KIF1B: variants seen among roughly 807,000 people sequenced by gnomAD.
KIF1B encodes the protein kinesin family member 1B.
Under a neutral mutation model 241.9 loss-of-function variants are expected in KIF1B, and 76 were observed. That is an observed-to-expected ratio of 0.31 (90% CI 0.26 to 0.38). KIF1B has a LOEUF of 0.38. KIF1B is among the 10% of genes least tolerant of loss of function. The pLI is 1.00. For synonymous variants in KIF1B, 750 were observed against 796.7 expected, an observed-to-expected ratio of 0.94 and a Z score of 0.99; for missense variants, 1,622 against 2,271.4, an observed-to-expected ratio of 0.71 and a Z score of 5.81.
At position 10,301,667 on chromosome 1, in the gene KIF1B, A is replaced by G. The variant is rs1650549430; in HGVS notation, c.2115+4421A>G. The stretch of plus-strand genomic sequence containing the variant: ...AGAGCAAGATTCTGTCTCAAAAAAA[A>G]AAGAAACAAAGAAAGAAAGTAAAGC... On this transcript the variant is annotated intron_variant, in intron 22 of 48. Coordinates refer to ENST00000676179, the MANE Select transcript of KIF1B (RefSeq NM_001365951.3). Among the ~76,000 whole-genome samples the G allele has an allele frequency of 2.0e-5, 3 of 152,324 alleles. No homozygotes were observed. The South Asian group carries it at 6.2e-4, about 32-fold the overall frequency.
At chr1:10,276,461 T>C in intron 12 of KIF1B, 62 bp downstream of exon 12, 1 of 1,121,028 alleles carries the variant, frequency 8.9e-7, no homozygotes, top group East Asian at 2.4e-5. Context: ...CATTTTGTGA[T>C]ACCATGGATG....
Position 10,365,043 on chromosome 1 carries a change from C to A in KIF1B, c.4367-57C>A. 13 of 1,477,702 alleles carry A rather than the reference C, an allele frequency of 8.8e-6. No individual in the cohort carries two copies. The South Asian group carries it at 1.5e-4, about 17-fold the overall frequency. 91.5% of individuals were successfully genotyped at this position (1,477,702 alleles called of 1,614,324 possible). On this transcript the variant is annotated intron_variant, in intron 41 of 48. Coordinates refer to ENST00000676179, the MANE Select transcript of KIF1B (RefSeq NM_001365951.3). This position sits in a 1 kb window ranked among gnomAD's most constrained non-coding sequence, Gnocchi z 4.0. ...AAAAGAATTATTAATTCGTTTTGAC[C>A]TAAACTTGGAATTGAATTTTTTTTC...
intron 44 of KIF1B, among the ~76,000 whole-genome samples, chr1:10,369,359 T>C (rs1638661592): frequency 6.6e-6 from 1 of 152,248 alleles, no homozygotes; most frequent in South Asian, 2.1e-4. Flanking sequence ...CTGGGTGTGG[T>C]GGTGCATACC....
At chr1:10,314,018 C>T (rs1569803848) in intron 22 of KIF1B, among the ~76,000 whole-genome samples, 2 of 151,296 alleles carry the variant, frequency 1.3e-5, no homozygotes, top group Middle Eastern at 3.4e-3. Flanking sequence ...CTCAGCCTTC[C>T]GAGTAGCTGG....
At chr1:10,332,554 C>T (rs1651991405) in intron 27 of KIF1B, among the ~76,000 whole-genome samples, 2 of 125,180 alleles carry the variant, frequency 1.6e-5, no homozygotes, top group Admixed American at 9.6e-5. Context: ...CTCACTCTGT[C>T]GCCCAGGCTG....
chr1:10,273,914 G>C (rs1648958175), intron 10 of KIF1B, among the ~76,000 whole-genome samples: 1 of 149,246 alleles, frequency 6.7e-6, no homozygotes, highest in African/African-American at 2.5e-5. Context: ...GTGAGACCCT[G>C]GCTTTCTCCT....
intron 22 of KIF1B, chr1:10,304,468 CAACACCGTCAGTCTTACTGTAATTAT>C (rs1444407522): frequency 1.2e-6 from 2 of 1,610,210 alleles, no homozygotes; most frequent in African/African-American, 2.7e-5. Context: ...CCATATTCAT[CAACACCGTCAGTCTTACTGTAATTAT>C]AACACTGGAG....
chr1:10,276,938 G>A lies in KIF1B; in HGVS notation c.1037+539G>A, dbSNP rs780004473. ...TCTACTAAAAATACAAAAATGAGTC[G>A]GGCGTGGTGCCATGCACCTGTAATC... On this transcript the variant is annotated intron_variant, in intron 12 of 48. Transcript: ENST00000676179. 4.7e-4 allele frequency among the ~76,000 whole-genome samples: 71 copies of A among 152,164 alleles called. 1 individual carries two copies. The highest frequency in any genetic ancestry group is 5.3e-4 in the Non-Finnish European group (36 of 67,994).
At chr1:10,338,960 G>A (rs190554847) in intron 31 of KIF1B, among the ~76,000 whole-genome samples, 40 of 152,288 alleles carry the variant, frequency 2.6e-4, no homozygotes, top group Admixed American at 2.4e-3. Context: ...GTTGAAAATA[G>A]TTTCTTTTTC....
In KIF1B at chr1:10,361,830, GT is replaced by G; in HGVS notation, c.4304+10del. 6.2e-7 allele frequency: 1 copy of G among 1,613,572 alleles called. No individual in the cohort carries two copies. The highest frequency in any genetic ancestry group is 8.5e-7 in the Non-Finnish European group (1 of 1,180,008). ...CTACTCAAAGTCACCAGATTCGTAA[GT>G]TTTTCACACAAGTTAGCTTCCAGTG... On this transcript the variant is annotated splice_donor_region_variant and intron_variant, in intron 40 of 48. Coordinates refer to ENST00000676179, the MANE Select transcript of KIF1B (RefSeq NM_001365951.3).
intron 27 of KIF1B, among the ~76,000 whole-genome samples, chr1:10,333,434 G>A (rs752333793): frequency 7.2e-5 from 11 of 152,164 alleles, no homozygotes; most frequent in Non-Finnish European, 1.2e-4. Flanking sequence ...GCTCACGCCT[G>A]TAATCCCAGC....
At chr1:10,324,378 C>G (rs1651643294) in intron 25 of KIF1B, among the ~76,000 whole-genome samples, 1 of 152,092 alleles carries the variant, frequency 6.6e-6, no homozygotes, top group African/African-American at 2.4e-5. Flanking sequence ...TATCCTGGAC[C>G]TCAGGATAAT....
chr1:10,352,325 C>T (rs112312825), intron 37 of KIF1B, among the ~76,000 whole-genome samples: 1,753 of 151,986 alleles, frequency 0.012, 34 homozygotes, highest in African/African-American at 0.039. Context: ...GCAGGGAGAC[C>T]AGTTAAATGG....
intron 35 of KIF1B, among the ~76,000 whole-genome samples, chr1:10,346,472 C>T (rs2102327411): frequency 6.6e-6 from 1 of 152,186 alleles, no homozygotes; most frequent in East Asian, 1.9e-4. Context: ...TCAAGCGATT[C>T]TCCTGCCTCA....
chr1:10,347,020 TG>T (rs1373875526), intron 35 of KIF1B, among the ~76,000 whole-genome samples: 4 of 152,230 alleles, frequency 2.6e-5, no homozygotes, highest in African/African-American at 9.6e-5. Context: ...TAGATCAAAG[TG>T]ATACCATCAG....
In KIF1B at chr1:10,326,858, A is replaced by C. The variant is rs555513174; in HGVS notation, c.2924+499A>C. Among the ~76,000 whole-genome samples, 2 of 152,274 alleles carry C rather than the reference A, an allele frequency of 1.3e-5. No individual in the cohort carries two copies. The highest frequency in any genetic ancestry group is 4.1e-4 in the South Asian group (2 of 4,826). ...CAAAAGTAGATTCAGGAGTAGAGTT[A>C]AATTTATTTTTTGCTTAGTCTACTG... On this transcript the variant is annotated intron_variant, in intron 27 of 48. Coordinates refer to ENST00000676179, the MANE Select transcript of KIF1B (RefSeq NM_001365951.3). This position sits in a 1 kb window ranked among gnomAD's most constrained non-coding sequence, Gnocchi z 5.2.
Position 10,365,016 on chromosome 1 carries a change from A to G in KIF1B, c.4367-84A>G. The G allele has an allele frequency of 7.8e-7, 1 of 1,287,702 alleles. No individual in the cohort carries two copies. The highest frequency in any genetic ancestry group is 1.1e-6 in the Non-Finnish European group (1 of 923,640). 79.8% of individuals were successfully genotyped at this position (1,287,702 alleles called of 1,614,324 possible). A position where few individuals can be genotyped will look rare whatever the true frequency, so the allele number is the denominator to read the frequency against. ...GCGAGACTCCATCTCAAAAAAAAAA[A>G]AAAAAGAATTATTAATTCGTTTTGA... On this transcript the variant is annotated intron_variant, in intron 41 of 48. Coordinates refer to ENST00000676179, the MANE Select transcript of KIF1B (RefSeq NM_001365951.3). This position sits in a 1 kb window ranked among gnomAD's most constrained non-coding sequence, Gnocchi z 4.0.
chr1:10,245,655 T>G (rs1464394492), intron 2 of KIF1B, among the ~76,000 whole-genome samples: 1 of 152,182 alleles, frequency 6.6e-6, no homozygotes, highest in African/African-American at 2.4e-5. Flanking sequence ...AAGGAAAATT[T>G]AGGAAAACAG....
chr1:10,264,288 A>G (rs1462927614), intron 5 of KIF1B, among the ~76,000 whole-genome samples: 1 of 152,214 alleles, frequency 6.6e-6, no homozygotes, highest in East Asian at 1.9e-4. Context: ...GTGTATACCA[A>G]TTGCCTAGAA....
Sources: allele counts gnomAD v4.1 joint callset (sites outside exome capture counted in the v4.1 genomes callset), GRCh38; gene constraint gnomAD v4.1.1; non-coding constraint Gnocchi (gnomAD v3.1); transcripts MANE v1.5; gene names NCBI Gene and HGNC (gene_info 2026-07-23, HGNC 2026-07-21).